Variants in TMTC1 observed in about 807,000 individuals in gnomAD.
TMTC1 encodes the protein transmembrane O-mannosyltransferase targeting cadherins 1.
In TMTC1, 73 loss-of-function variants were observed where a neutral mutation model predicts 104.8. The ratio of observed to expected loss-of-function variants is 0.70; its 90% CI spans 0.58 to 0.85. The LOEUF is 0.85. Among genes scored for constraint, TMTC1 ranks in the 40% least tolerant of loss-of-function variants. The pLI is 0.00. For missense variants in TMTC1, 1,035 were observed against 1,096.1 expected (o/e 0.94, Z 0.79); for synonymous variants, 434 against 428.7 (o/e 1.01, Z -0.15).
At chr12:29,780,998 G>C (rs1316951474) in intron 1 of TMTC1, among the ~76,000 whole-genome samples, 3 of 152,210 alleles carry the variant, frequency 2.0e-5, no homozygotes, top group Non-Finnish European at 4.4e-5. Context: ...TAATCTATGT[G>C]AAGTATCTAG....
At chr12:29,573,427 C>G (rs564588242) in intron 8 of TMTC1, among the ~76,000 whole-genome samples, 1 of 152,180 alleles carries the variant, frequency 6.6e-6, no homozygotes, top group Admixed American at 6.5e-5. Context: ...ACATAGTGTC[C>G]CTTCAGTACC....
intron 5 of TMTC1, among the ~76,000 whole-genome samples, chr12:29,678,261 G>T (rs760674738): frequency 6.6e-6 from 1 of 152,112 alleles, no homozygotes; most frequent in Non-Finnish European, 1.5e-5. Flanking sequence ...GCTGCTATAC[G>T]GTGGCTGAGA....
intron 6 of TMTC1, among the ~76,000 whole-genome samples, chr12:29,607,617 G>C (rs1946736945): frequency 6.6e-6 from 1 of 152,188 alleles, no homozygotes; most frequent in South Asian, 2.1e-4. Context: ...CTATGGAACT[G>C]ACCTTCACCT....
At chr12:29,571,669 C>T (rs1170388344) in intron 9 of TMTC1, among the ~76,000 whole-genome samples, 2 of 151,310 alleles carry the variant, frequency 1.3e-5, no homozygotes, top group Non-Finnish European at 3.0e-5. Context: ...TTTAATACAA[C>T]TTTCAGGGCA....
intron 7 of TMTC1, among the ~76,000 whole-genome samples, chr12:29,599,961 T>A (rs1007181352): frequency 7.4e-6 from 1 of 135,172 alleles, no homozygotes; most frequent in African/African-American, 3.3e-5. Context: ...TATATGTGTA[T>A]ATATATATGT....
chr12:29,507,181 G>A (rs1025394036), intron 17 of TMTC1, among the ~76,000 whole-genome samples, 195 bp from the exon 18 acceptor site: 1 of 152,182 alleles, frequency 6.6e-6, no homozygotes, highest in Non-Finnish European at 1.5e-5. Flanking sequence ...CACTAGATCA[G>A]TTGCAGAATG....
At chr12:29,677,168 A>T (rs1021871636) in intron 5 of TMTC1, among the ~76,000 whole-genome samples, 1 of 152,226 alleles carries the variant, frequency 6.6e-6, no homozygotes, top group Non-Finnish European at 1.5e-5. Context: ...TCTCTTCTTT[A>T]TCTAGTCAAT....
chr12:29,602,496 C>T (rs982803317), intron 7 of TMTC1, among the ~76,000 whole-genome samples: 2 of 152,120 alleles, frequency 1.3e-5, no homozygotes, highest in African/African-American at 4.8e-5. Flanking sequence ...ATTACTATTT[C>T]CATTTTATGC....
At chr12:29,716,001 A>G (rs1424684524) in intron 5 of TMTC1, among the ~76,000 whole-genome samples, 1 of 144,324 alleles carries the variant, frequency 6.9e-6, no homozygotes, top group Non-Finnish European at 1.5e-5. Context: ...TATTATTATT[A>G]TTATTATTAT....
chr12:29,650,455 C>T (rs1345163968), intron 5 of TMTC1, among the ~76,000 whole-genome samples: 1 of 152,096 alleles, frequency 6.6e-6, no homozygotes, highest in East Asian at 1.9e-4. Context: ...ACCCGGGCCT[C>T]AGGTCATCCC....
chr12:29,754,897 T>C (rs1256314501), intron 4 of TMTC1, among the ~76,000 whole-genome samples: 1 of 152,194 alleles, frequency 6.6e-6, no homozygotes, highest in Non-Finnish European at 1.5e-5. Context: ...GGAAATGGGA[T>C]TTAAAAAGCA....
intron 10 of TMTC1, among the ~76,000 whole-genome samples, chr12:29,547,454 C>A (rs1020768510): frequency 3.3e-5 from 5 of 152,198 alleles, no homozygotes; most frequent in African/African-American, 1.2e-4. Flanking sequence ...AATCTGTTTA[C>A]ATACAAACAA....
chr12:29,698,891 T>C lies in TMTC1; in HGVS notation c.938+52775A>G, dbSNP rs148898814. Among the ~76,000 whole-genome samples, 337 of 152,306 alleles carry C rather than the reference T, an allele frequency of 2.2e-3. 2 individuals are homozygous for C. The highest frequency in any genetic ancestry group is 6.7e-3 in the African/African-American group (280 of 41,562). ...AAACTGCATTGCTGGAACAACCCCA[T>C]ACTCTCCAGCTGTGAACAATTAGGC... is the stretch of plus-strand genomic sequence containing the variant. On this transcript the variant is annotated intron_variant, in intron 5 of 17. Transcript: ENST00000539277.
chr12:29,548,918 CAT>C lies in TMTC1; in HGVS notation c.1676+7937_1676+7938del, dbSNP rs1432348827. ...ATATAATTATTAATATATTTATTTA[CAT>C]ATTATATAATATGTAAATAATATAT... On this transcript the variant is annotated intron_variant, in intron 10 of 17. Transcript: ENST00000539277. 2.9e-5 allele frequency among the ~76,000 whole-genome samples: 4 copies of C among 135,954 alleles called. No homozygotes were observed. In the East Asian group the frequency reaches 8.4e-4, roughly 29 times the overall value. 89.2% of individuals were successfully genotyped at this position (135,954 alleles called of 152,430 possible). A position where few individuals can be genotyped will look rare whatever the true frequency, so the allele number is the denominator to read the frequency against.
At chr12:29,732,348 C>G (rs1361299888) in intron 5 of TMTC1, among the ~76,000 whole-genome samples, 2 of 152,130 alleles carry the variant, frequency 1.3e-5, no homozygotes, top group Admixed American at 1.3e-4. Flanking sequence ...CAACCAGAAA[C>G]ACAATGTATA....
In TMTC1 at chr12:29,783,914, C is replaced by A; in HGVS notation, c.-163G>T. The A allele has an allele frequency of 1.6e-6, 1 of 628,714 alleles. No homozygotes were observed. The highest frequency in any genetic ancestry group is 2.0e-6 in the Non-Finnish European group (1 of 493,404). 38.9% of individuals were successfully genotyped at this position (628,714 alleles called of 1,614,324 possible). ...TCCCCGCGCTCCGCCGCCGCCTGCGCCGCGGAGTTGGCCCAGCTGCAAATA... is the reference window on the plus strand; with the variant it reads ...TCCCCGCGCTCCGCCGCCGCCTGCGACGCGGAGTTGGCCCAGCTGCAAATA... On this transcript the variant is annotated 5_prime_UTR_variant, in exon 1 of 18. Transcript: ENST00000539277. The surrounding 1 kb of genome is among the most constrained non-coding windows in gnomAD (Gnocchi z 4.7).
intron 5 of TMTC1, among the ~76,000 whole-genome samples, chr12:29,730,835 T>A (rs1478527441): frequency 6.6e-6 from 1 of 152,176 alleles, no homozygotes; most frequent in Non-Finnish European, 1.5e-5. Flanking sequence ...GGAAATGCCA[T>A]TCAGTATTTG....
intron 16 of TMTC1, 118 bp from the exon 17 acceptor site, chr12:29,512,238 A>C (rs935103736): frequency 4.2e-6 from 3 of 712,972 alleles, no homozygotes; most frequent in African/African-American, 3.6e-5. Flanking sequence ...ACCAGCCGCT[A>C]CTAGTTCACA....
chr12:29,527,899 C>G (rs1322072526), intron 11 of TMTC1, among the ~76,000 whole-genome samples: 1 of 152,176 alleles, frequency 6.6e-6, no homozygotes, highest in Non-Finnish European at 1.5e-5. Flanking sequence ...GATCTAAAGA[C>G]TGAGTGTGTC....
Sources: gnomAD v4.1 joint callset for allele counts (sites outside exome capture counted in the v4.1 genomes callset) on GRCh38, gnomAD v4.1.1 for gene constraint, Gnocchi (gnomAD v3.1) non-coding constraint, MANE v1.5 for transcripts, NCBI Gene and HGNC (gene_info 2026-07-23, HGNC 2026-07-21) for gene names.